Variants in EFHC1 observed in about 807,000 individuals in gnomAD.
The protein encoded by EFHC1 is EF-hand domain-containing protein 1.
Under a neutral mutation model 69.9 loss-of-function variants are expected in EFHC1, and 53 were observed. That is an observed-to-expected ratio of 0.76 (90% confidence interval 0.61 to 0.95). The LOEUF (loss-of-function observed/expected upper bound fraction) is 0.95, where lower values mean the gene tolerates loss of function less well. EFHC1 is among the 40% of genes least tolerant of loss of function. The probability of loss-of-function intolerance (pLI) is 0.00; values close to 1 mark genes in which losing one functional copy is unlikely to be tolerated. For synonymous variants in EFHC1, 256 were observed against 278.4 expected, an observed-to-expected ratio of 0.92 and a Z score of 0.80; for missense variants, 739 against 798.7, an observed-to-expected ratio of 0.93 and a Z score of 0.90.
chr6:52,488,501 AGATG>A (rs1194640975), intron 9 of EFHC1: 2 of 152,242 alleles, frequency 1.3e-5, no homozygotes, highest in African/African-American at 4.8e-5. Flanking sequence ...TTGTTTTTAA[AGATG>A]CATATAAAGT....
intron 7 of EFHC1, among the ~76,000 whole-genome samples, chr6:52,475,254 A>G (rs544578674): frequency 6.6e-6 from 1 of 152,316 alleles, no homozygotes; most frequent in East Asian, 1.9e-4. Context: ...AATAAGGGGA[A>G]AAGGTTTATG....
At chr6:52,461,647 T>G (rs530852968) in intron 5 of EFHC1, among the ~76,000 whole-genome samples, 1 of 152,304 alleles carries the variant, frequency 6.6e-6, no homozygotes, top group African/African-American at 2.4e-5. Context: ...ATCACCACAC[T>G]GCTTTCCACG....
chr6:52,454,221 G>A lies in EFHC1; in HGVS notation c.850G>A (p.Gly284Arg). 6.2e-7 allele frequency: 1 copy of A among 1,614,122 alleles called. No homozygotes were observed. The highest frequency in any genetic ancestry group is 8.5e-7 in the Non-Finnish European group (1 of 1,179,992). ...EIREVHERND[G>R]RDPFPLLMNR... ...TCGAGAGGTCCACGAACGGAATGAT[G>A]GGAGAGATCCTTTCCCACTCCTAAT... The change falls in exon 5 of 11, where the codon GGG (glycine) becomes AGG (arginine). Residue 284 changes from glycine to arginine, a missense_variant. Coordinates refer to ENST00000371068, the MANE Select transcript of EFHC1 (RefSeq NM_018100.4).
intron 6 of EFHC1, among the ~76,000 whole-genome samples, chr6:52,466,973 G>T (rs1419448044): frequency 6.6e-6 from 1 of 152,086 alleles, no homozygotes; most frequent in Admixed American, 6.6e-5. Context: ...AAAAGAAAAA[G>T]AATTATGATA....
At chr6:52,486,664 C>T (rs1219360717) in intron 9 of EFHC1, 1 of 152,116 alleles carries the variant, frequency 6.6e-6, no homozygotes, top group Admixed American at 6.6e-5. Flanking sequence ...CATCAGTTTT[C>T]TCACCCTTCA....
chr6:52,478,140 T>C (rs1160356785), intron 7 of EFHC1, among the ~76,000 whole-genome samples: 1 of 151,958 alleles, frequency 6.6e-6, no homozygotes, highest in East Asian at 1.9e-4. Context: ...ATGGATGAAA[T>C]TGGAAATCAT....
chr6:52,487,785 C>T (rs940149394), intron 9 of EFHC1: 1 of 152,236 alleles, frequency 6.6e-6, no homozygotes, highest in Non-Finnish European at 1.5e-5. Context: ...GCACAGAGTT[C>T]AACTAGCATG....
chr6:52,492,852 A>G lies in EFHC1; in HGVS notation c.*511A>G, dbSNP rs1290913869. 1 of 449,868 alleles carries G rather than the reference A, an allele frequency of 2.2e-6. No homozygotes were observed. Among genetic ancestry groups the G allele is most frequent in the South Asian group, 1.6e-5 (1 of 63,592 alleles). The allele number at this position is 449,868 out of a possible 1,614,324, so 27.9% of individuals were successfully genotyped here. ...AACTTGTCTCAAACTCATGAGCTCC[A>G]GAAATTCTCCCACCTCAGCCTCCAA... On this transcript the variant is annotated 3_prime_UTR_variant, in exon 11 of 11. Coordinates refer to ENST00000371068, the MANE Select transcript of EFHC1 (RefSeq NM_018100.4).
At chr6:52,457,506 ACTTT>A (rs1243099858) in intron 5 of EFHC1, among the ~76,000 whole-genome samples, 1 of 152,216 alleles carries the variant, frequency 6.6e-6, no homozygotes, top group Non-Finnish European at 1.5e-5. Flanking sequence ...TATGGGAGTA[ACTTT>A]CAGAAGTCCT....
At chr6:52,470,235 G>A (rs1391327812) in intron 7 of EFHC1, among the ~76,000 whole-genome samples, 3 of 152,068 alleles carry the variant, frequency 2.0e-5, no homozygotes, top group Admixed American at 2.0e-4. Context: ...GAAAACGATT[G>A]CACAAAGCTT....
chr6:52,431,187 A>G (rs569873634), intron 2 of EFHC1, among the ~76,000 whole-genome samples: 1 of 150,372 alleles, frequency 6.7e-6, no homozygotes, highest in East Asian at 2.0e-4. Context: ...TTGTTTGTTT[A>G]TTTCAATTTC....
rs115095283 is a variant in EFHC1 at position 52,426,916 on chromosome 6, T to A, written c.285+2749T>A. Among the ~76,000 whole-genome samples the A allele has an allele frequency of 5.1e-3, 778 of 152,350 alleles. 8 individuals carry two copies. The highest frequency in any genetic ancestry group is 0.017 in the African/African-American group (723 of 41,590). Reference sequence around the variant, plus strand: ...CTTATAACAGGTATGCTGCCTTGTTTATTCTCTAGAGTTCAGCTCTGATTA... The same window carrying A: ...CTTATAACAGGTATGCTGCCTTGTTAATTCTCTAGAGTTCAGCTCTGATTA... On this transcript the variant is annotated intron_variant, in intron 2 of 10. Coordinates refer to ENST00000371068, the MANE Select transcript of EFHC1 (RefSeq NM_018100.4).
intron 10 of EFHC1, 79 bp from the exon 11 acceptor site, chr6:52,492,191 A>G: frequency 1.6e-6 from 2 of 1,243,718 alleles, no homozygotes; most frequent in South Asian, 1.2e-5. Context: ...CGGGATCATT[A>G]TGCATAAGCG....
intron 9 of EFHC1, chr6:52,487,505 G>T (rs1765810853): frequency 6.6e-6 from 1 of 152,136 alleles, no homozygotes; most frequent in Non-Finnish European, 1.5e-5. Flanking sequence ...ACATGTCTTT[G>T]TCCATCTGAG....
chr6:52,454,101 C>G lies in EFHC1; in HGVS notation c.730C>G (p.Arg244Gly). The G allele has an allele frequency of 6.2e-7, 1 of 1,613,174 alleles. No individual in the cohort carries two copies. The highest frequency in any genetic ancestry group is 8.5e-7 in the Non-Finnish European group (1 of 1,179,914). ...QFLTFDKQVL[R>G]FYAIWDDTDS... The stretch of plus-strand genomic sequence containing the variant: ...TACTTTGGATTCTTCAAAGGTCCTT[C>G]GATTCTATGCAATCTGGGATGATAC... The change falls in exon 5 of 11, where the codon CGA becomes GGA. Residue 244 changes from arginine to glycine, a missense_variant. Coordinates refer to ENST00000371068, the MANE Select transcript of EFHC1 (RefSeq NM_018100.4).
Position 52,446,420 on chromosome 6 carries a change from T to A in EFHC1, c.574-6268T>A, listed in dbSNP as rs145626462. 3.5e-4 allele frequency among the ~76,000 whole-genome samples: 53 copies of A among 152,338 alleles called. 3 individuals are homozygous for A. The highest frequency in any genetic ancestry group is 9.8e-4 in the Admixed American group (15 of 15,308). ...TTGTTTTCCATTTGCTTGGTAGATC[T>A]TCTGCCATCCCTTTATTTTGAGCCT... On this transcript the variant is annotated intron_variant, in intron 3 of 10. Coordinates refer to ENST00000371068, the MANE Select transcript of EFHC1 (RefSeq NM_018100.4).
chr6:52,439,837 G>A (rs920729881), intron 3 of EFHC1, among the ~76,000 whole-genome samples: 35 of 152,152 alleles, frequency 2.3e-4, no homozygotes, highest in African/African-American at 6.3e-4. Context: ...ATATTCTCCC[G>A]TTCCAACATA....
chr6:52,453,875 C>A, intron 4 of EFHC1: 1 of 1,386,032 alleles, frequency 7.2e-7, no homozygotes, highest in African/African-American at 1.4e-5. Context: ...AACTTATAAT[C>A]CTATTATTTA....
intron 2 of EFHC1, among the ~76,000 whole-genome samples, chr6:52,424,389 C>T (rs1467803000): frequency 4.6e-5 from 7 of 152,166 alleles, no homozygotes; most frequent in Non-Finnish European, 1.0e-4. Flanking sequence ...CTGTAGACTT[C>T]ACCAGACTAT....
Sources: gnomAD v4.1 joint callset for allele counts (sites outside exome capture counted in the v4.1 genomes callset) on GRCh38, gnomAD v4.1.1 for gene constraint, MANE v1.5 for transcripts, NCBI Gene and HGNC (gene_info 2026-07-23, HGNC 2026-07-21) for gene names.